PDZRN3: variants seen among roughly 807,000 people sequenced by gnomAD.
PDZRN3 encodes the protein E3 ubiquitin-protein ligase PDZRN3.
A neutral mutation model predicts 85.7 loss-of-function variants in PDZRN3; 38 were observed. That is an observed-to-expected ratio of 0.44 (90% CI 0.34 to 0.58). The LOEUF is 0.58. Ranked by LOEUF, PDZRN3 falls within the 20% of genes least tolerant of loss-of-function variation. The probability of loss-of-function intolerance (pLI) is 0.01; values close to 1 mark genes in which losing one functional copy is unlikely to be tolerated. For missense variants in PDZRN3, 1,629 were observed against 1,506.4 expected (o/e 1.08, Z -1.35); for synonymous variants, 759 against 638.0 (o/e 1.19, Z -2.86).
intron 3 of PDZRN3, among the ~76,000 whole-genome samples, chr3:73,476,487 A>G (rs1270846343): frequency 6.6e-6 from 1 of 152,152 alleles, no homozygotes; most frequent in East Asian, 1.9e-4. Context: ...GGGGTTTACA[A>G]TTCAACATGA....
intron 3 of PDZRN3, among the ~76,000 whole-genome samples, chr3:73,574,039 A>T (rs1360615994): frequency 6.6e-6 from 1 of 152,232 alleles, no homozygotes; most frequent in African/African-American, 2.4e-5. Context: ...TCCTCTGGAC[A>T]TGAGTGGTTT....
In PDZRN3 at chr3:73,443,440, C is replaced by T. The variant is rs545512163; in HGVS notation, c.919-39045G>A. ...GGGAACTACCATGATTTTTGACTTACAGCCTCTACTACTATTAACTTGATT... is the reference window on the plus strand; with the variant it reads ...GGGAACTACCATGATTTTTGACTTATAGCCTCTACTACTATTAACTTGATT... On this transcript the variant is annotated intron_variant, in intron 3 of 9. Transcript: ENST00000263666. 3.8e-4 allele frequency among the ~76,000 whole-genome samples: 57 copies of T among 151,538 alleles called. 1 individual carries two copies. Among genetic ancestry groups the T allele is most frequent in the African/African-American group, 1.4e-3 (56 of 40,980 alleles).
At chr3:73,460,936 G>C (rs1168654630) in intron 3 of PDZRN3, among the ~76,000 whole-genome samples, 2 of 152,042 alleles carry the variant, frequency 1.3e-5, no homozygotes, top group African/African-American at 2.4e-5. Flanking sequence ...TGGGACTACA[G>C]GTGCATACCA....
At chr3:73,546,340 C>G (rs1193326541) in intron 3 of PDZRN3, among the ~76,000 whole-genome samples, 1 of 152,180 alleles carries the variant, frequency 6.6e-6, no homozygotes, top group East Asian at 1.9e-4. Context: ...CGAAGACAAT[C>G]TCACCACCAC....
At chr3:73,403,148 G>C (rs533472441) in intron 4 of PDZRN3, among the ~76,000 whole-genome samples, 1 of 152,030 alleles carries the variant, frequency 6.6e-6, no homozygotes, top group Non-Finnish European at 1.5e-5. Flanking sequence ...GGGTTTCACC[G>C]TGTTAACCAG....
At chr3:73,547,054 C>T (rs933935867) in intron 3 of PDZRN3, among the ~76,000 whole-genome samples, 6 of 152,262 alleles carry the variant, frequency 3.9e-5, no homozygotes, top group East Asian at 1.9e-4. Context: ...CAAGCCAGGA[C>T]GTGCAAAGAT....
intron 1 of PDZRN3, among the ~76,000 whole-genome samples, chr3:73,618,484 C>T (rs1377488254): frequency 6.6e-6 from 1 of 151,956 alleles, no homozygotes; most frequent in African/African-American, 2.4e-5. Context: ...TCTGCTACTC[C>T]CATTAAAAAA....
At chr3:73,395,774 G>A (rs1018606024) in intron 5 of PDZRN3, among the ~76,000 whole-genome samples, 1 of 152,192 alleles carries the variant, frequency 6.6e-6, no homozygotes, top group Admixed American at 6.5e-5. Context: ...GTTTGAGATA[G>A]GGTAACAAGG....
intron 3 of PDZRN3, chr3:73,433,974 CCT>C: frequency 7.7e-7 from 1 of 1,297,938 alleles, no homozygotes; most frequent in Non-Finnish European, 9.8e-7. Context: ...ACCACTCCCT[CCT>C]CTGAGTGACT....
At chr3:73,413,813 G>A (rs1004755325) in intron 3 of PDZRN3, among the ~76,000 whole-genome samples, 12 of 152,148 alleles carry the variant, frequency 7.9e-5, no homozygotes, top group African/African-American at 2.9e-4. Context: ...CTTGCCAAAG[G>A]AGAACGTTCA....
chr3:73,525,390 T>C (rs540589999), intron 3 of PDZRN3, among the ~76,000 whole-genome samples: 4 of 152,294 alleles, frequency 2.6e-5, no homozygotes, highest in Admixed American at 6.5e-5. Flanking sequence ...TGAGGAAATA[T>C]CTGGAGGCAG....
chr3:73,596,812 G>T (rs1702436559), intron 3 of PDZRN3, among the ~76,000 whole-genome samples: 1 of 152,150 alleles, frequency 6.6e-6, no homozygotes, highest in South Asian at 2.1e-4. Flanking sequence ...TTGCTATAAA[G>T]GGCATCATAG....
At chr3:73,429,608 A>G (rs2106796313) in intron 3 of PDZRN3, among the ~76,000 whole-genome samples, 1 of 152,324 alleles carries the variant, frequency 6.6e-6, no homozygotes, top group East Asian at 1.9e-4. Flanking sequence ...CCAACTGGCT[A>G]TGAGATTGAT....
intron 3 of PDZRN3, among the ~76,000 whole-genome samples, chr3:73,518,401 T>TA (rs1704291723): frequency 6.6e-6 from 1 of 152,108 alleles, no homozygotes; most frequent in African/African-American, 2.4e-5. Flanking sequence ...TTTGAGATGA[T>TA]AAAAAAGTTC....
intron 3 of PDZRN3, among the ~76,000 whole-genome samples, chr3:73,522,696 A>G (rs779176354): frequency 3.0e-4 from 45 of 152,344 alleles, no homozygotes; most frequent in Non-Finnish European, 5.7e-4. Context: ...TTGGCCTCCC[A>G]AAGTGCTGGG....
intron 1 of PDZRN3, among the ~76,000 whole-genome samples, chr3:73,611,146 G>C (rs1306406371): frequency 1.3e-5 from 2 of 152,112 alleles, no homozygotes; most frequent in African/African-American, 4.8e-5. Context: ...TTCCACATGG[G>C]TTAGCAACAT....
At chr3:73,515,337 A>G (rs1704238495) in intron 3 of PDZRN3, among the ~76,000 whole-genome samples, 1 of 152,024 alleles carries the variant, frequency 6.6e-6, no homozygotes, top group African/African-American at 2.4e-5. Flanking sequence ...TACCATGCCC[A>G]GCTAATTTTT....
At chr3:73,386,834 T>C (rs960145523) in intron 8 of PDZRN3, among the ~76,000 whole-genome samples, 1 of 144,908 alleles carries the variant, frequency 6.9e-6, no homozygotes, top group Non-Finnish European at 1.5e-5. Context: ...GAGAATCAGA[T>C]GCCCCGTATG....
In PDZRN3 at chr3:73,566,653, C is replaced by A. The variant is rs531652134; in HGVS notation, c.918+35701G>T. On this transcript the variant is annotated intron_variant, in intron 3 of 9. Transcript: ENST00000263666. ...TGCCCTCAGAGAAAGTGCATAAATC[C>A]CAATTGGTCCAAGCCATTCATGGTA... is the stretch of plus-strand genomic sequence containing the variant. 7.6e-4 allele frequency among the ~76,000 whole-genome samples: 115 copies of A among 152,134 alleles called. 1 individual carries two copies. The highest frequency in any genetic ancestry group is 2.7e-3 in the African/African-American group (112 of 41,500).
Sources: allele counts gnomAD v4.1 joint callset (sites outside exome capture counted in the v4.1 genomes callset), GRCh38; gene constraint gnomAD v4.1.1; transcripts MANE v1.5; gene names NCBI Gene and HGNC (gene_info 2026-07-23, HGNC 2026-07-21).